SLC8A1: variants seen among roughly 807,000 people sequenced by gnomAD.
SLC8A1 encodes the protein sodium/calcium exchanger 1.
In SLC8A1, 18 loss-of-function variants were observed where a neutral mutation model predicts 68.3. That is an observed-to-expected ratio of 0.26 (90% confidence interval 0.18 to 0.39). The LOEUF (loss-of-function observed/expected upper bound fraction) is 0.39, where lower values mean the gene tolerates loss of function less well. SLC8A1 is among the 10% of genes least tolerant of loss of function. SLC8A1 has a pLI of 1.00. For synonymous variants in SLC8A1, 475 were observed against 415.5 expected, an observed-to-expected ratio of 1.14 and a Z score of -1.74; for missense variants, 985 against 1,156.7, an observed-to-expected ratio of 0.85 and a Z score of 2.15.
chr2:40,196,785 G>C (rs115755775), intron 2 of SLC8A1, among the ~76,000 whole-genome samples: 1 of 151,836 alleles, frequency 6.6e-6, no homozygotes, highest in African/African-American at 2.4e-5. Context: ...TTTCCATGAC[G>C]CTTTCTTAGA....
At chr2:40,196,274 G>T (rs1161392771) in intron 2 of SLC8A1, among the ~76,000 whole-genome samples, 1 of 151,958 alleles carries the variant, frequency 6.6e-6, no homozygotes, top group African/African-American at 2.4e-5. Flanking sequence ...AATGACACAT[G>T]GTAGGGGCAG....
chr2:40,442,439 G>T (rs1013769523), intron 1 of SLC8A1, among the ~76,000 whole-genome samples: 8 of 146,784 alleles, frequency 5.5e-5, no homozygotes, highest in African/African-American at 2.0e-4. Flanking sequence ...GTGGACAAAG[G>T]ATATGATATG....
chr2:40,112,477 A>G (rs543855776), exon 8 of SLC8A1: 1 of 152,774 alleles, frequency 6.5e-6, no homozygotes, highest in Non-Finnish European at 1.5e-5. Context: ...AAAGCTTTCA[A>G]ATTGAAATCG....
chr2:40,404,179 G>C (rs1689627094), intron 2 of SLC8A1, among the ~76,000 whole-genome samples: 1 of 152,094 alleles, frequency 6.6e-6, no homozygotes, highest in African/African-American at 2.4e-5. Flanking sequence ...ACAGGCTTCA[G>C]CCACTGCACC....
intron 2 of SLC8A1, among the ~76,000 whole-genome samples, chr2:40,346,047 TAAAAAAAA>T (rs774555210): frequency 2.7e-3 from 111 of 41,714 alleles, no homozygotes; most frequent in African/African-American, 9.8e-3. Flanking sequence ...ACATTAACAG[TAAAAAAAA>T]AAAAAAAAAA....
chr2:40,472,030 C>G (rs77904359), intron 1 of SLC8A1, among the ~76,000 whole-genome samples: 2,344 of 152,210 alleles, frequency 0.015, 64 homozygotes, highest in African/African-American at 0.051. Context: ...TATGAACAAA[C>G]ATGACCTATG....
chr2:40,266,611 C>G (rs2065385559), intron 2 of SLC8A1, among the ~76,000 whole-genome samples: 1 of 152,110 alleles, frequency 6.6e-6, no homozygotes, highest in African/African-American at 2.4e-5. Context: ...CAGATTTTCC[C>G]AAGGAAACAG....
chr2:40,179,975 C>G (rs1290562188), intron 2 of SLC8A1, among the ~76,000 whole-genome samples: 1 of 152,150 alleles, frequency 6.6e-6, no homozygotes, highest in Non-Finnish European at 1.5e-5. Context: ...AAAGAACATT[C>G]TTGAATGATA....
At chr2:40,128,993 G>C (rs536583886) in intron 7 of SLC8A1, among the ~76,000 whole-genome samples, 4 of 152,278 alleles carry the variant, frequency 2.6e-5, no homozygotes, top group African/African-American at 9.6e-5. Flanking sequence ...GTGGAGATGA[G>C]GATTATCTGT....
intron 1 of SLC8A1, among the ~76,000 whole-genome samples, chr2:40,437,960 A>C (rs1453966520): frequency 6.6e-6 from 1 of 152,136 alleles, no homozygotes; most frequent in Non-Finnish European, 1.5e-5. Flanking sequence ...CTAGAGATTC[A>C]CTGAAGAGAA....
Position 40,448,709 on chromosome 2 carries a change from A to G in SLC8A1, c.-25+3195T>C, listed in dbSNP as rs576530591. On this transcript the variant is annotated intron_variant, in intron 1 of 7. Transcript: ENST00000406785. ...GCAGTAGAATTTGGTCAGATGGGAGACCATTTGGTAGGGGTTATGATGAGG... is the reference window on the plus strand; with the variant it reads ...GCAGTAGAATTTGGTCAGATGGGAGGCCATTTGGTAGGGGTTATGATGAGG... Among the ~76,000 whole-genome samples the G allele has an allele frequency of 5.3e-5, 8 of 152,174 alleles. No homozygotes were observed. In the South Asian group the frequency reaches 1.5e-3, roughly 28 times the overall value.
chr2:40,397,964 T>C (rs1337069703), intron 2 of SLC8A1, among the ~76,000 whole-genome samples: 1 of 152,126 alleles, frequency 6.6e-6, no homozygotes, highest in Admixed American at 6.5e-5. Flanking sequence ...ACTTACACAT[T>C]AAACAGCTGA....
At chr2:40,101,476 G>A (rs1218649846) in exon 8 of SLC8A1, 1 of 151,996 alleles carries the variant, frequency 6.6e-6, no homozygotes. Context: ...GGGGAAGTCA[G>A]GCAAAGTAGA....
chr2:40,427,280 T>A (rs1220897295), intron 2 of SLC8A1, among the ~76,000 whole-genome samples: 6 of 152,092 alleles, frequency 3.9e-5, no homozygotes, highest in African/African-American at 1.4e-4. Context: ...TTTGGTTTGT[T>A]TTCTCTCACT....
intron 2 of SLC8A1, chr2:40,208,273 G>C (rs867932496): frequency 6.6e-6 from 1 of 152,048 alleles, no homozygotes; most frequent in Non-Finnish European, 1.5e-5. Flanking sequence ...CATAGTCAAG[G>C]TTCCAAAGGC....
intron 1 of SLC8A1, among the ~76,000 whole-genome samples, chr2:40,492,561 T>C (rs2149925754): frequency 6.6e-6 from 1 of 151,172 alleles, no homozygotes; most frequent in Non-Finnish European, 1.5e-5. Flanking sequence ...ACAGGCAACC[T>C]ACAAAATTGG....
At chr2:40,136,073 A>G (rs1464741271) in intron 7 of SLC8A1, among the ~76,000 whole-genome samples, 1 of 152,192 alleles carries the variant, frequency 6.6e-6, no homozygotes. Flanking sequence ...GGAAGTAAGC[A>G]TGGACCAAGA....
chr2:40,247,943 G>C (rs2062117051), intron 2 of SLC8A1, among the ~76,000 whole-genome samples: 1 of 152,174 alleles, frequency 6.6e-6, no homozygotes, highest in Non-Finnish European at 1.5e-5. Context: ...TATACTCAAT[G>C]CTCAGTAAAG....
chr2:40,353,197 C>T (rs2149451593), intron 2 of SLC8A1, among the ~76,000 whole-genome samples: 1 of 152,282 alleles, frequency 6.6e-6, no homozygotes, highest in Middle Eastern at 3.4e-3. Context: ...TTTCTGGAAG[C>T]ATTCTCCTGC....
Sources: gnomAD v4.1 joint callset for allele counts (sites outside exome capture counted in the v4.1 genomes callset) on GRCh38, gnomAD v4.1.1 for gene constraint, MANE v1.5 for transcripts, NCBI Gene and HGNC (gene_info 2026-07-23, HGNC 2026-07-21) for gene names.